The following TSPAN15 variants were observed in gnomAD, a reference collection of about 807,000 sequenced individuals.
TSPAN15 encodes tetraspanin-15.
Under a neutral mutation model 34.5 loss-of-function variants are expected in TSPAN15, and 20 were observed. That is an observed-to-expected ratio of 0.58 (90% CI 0.41 to 0.84). The LOEUF is 0.84. Ranked by LOEUF, TSPAN15 falls within the 40% of genes least tolerant of loss-of-function variation. TSPAN15 has a pLI of 0.00. For synonymous variants in TSPAN15, 155 were observed against 153.9 expected (o/e 1.01, Z -0.05); for missense variants, 313 against 386.1 (o/e 0.81, Z 1.59).
chr10:69,465,951 T>G (rs970868022), intron 1 of TSPAN15, among the ~76,000 whole-genome samples: 4 of 152,206 alleles, frequency 2.6e-5, no homozygotes, highest in African/African-American at 4.8e-5. Context: ...GGGACTGGTA[T>G]CTCTGCTGGA....
At chr10:69,471,570 T>C (rs1488390814) in intron 1 of TSPAN15, among the ~76,000 whole-genome samples, 2 of 151,678 alleles carry the variant, frequency 1.3e-5, no homozygotes, top group African/African-American at 4.9e-5. Flanking sequence ...ACTCTCCCCT[T>C]CTCCCCACCT....
At chr10:69,530,695 A>G in the TSPAN15 span, among the ~76,000 whole-genome samples, 3 of 142,046 alleles carry the variant, frequency 2.1e-5, no homozygotes, top group Admixed American at 2.2e-4. Flanking sequence ...AATCCCAGCT[A>G]TTTGGGAGGC....
At chr10:69,499,594 C>T (rs1842160233) in intron 5 of TSPAN15, among the ~76,000 whole-genome samples, 1 of 152,236 alleles carries the variant, frequency 6.6e-6, no homozygotes, top group Non-Finnish European at 1.5e-5. Context: ...ATGCCAGACA[C>T]ATTTCCAGGT....
chr10:69,509,848 A>G (rs1167442401), downstream of TSPAN15, among the ~76,000 whole-genome samples: 3 of 152,226 alleles, frequency 2.0e-5, no homozygotes, highest in East Asian at 1.9e-4. Flanking sequence ...TAAATAGGGA[A>G]TCCTTTCCCC....
rs533332166 is a variant in TSPAN15, at chr10:69,483,144, A to G, written c.97-547A>G. On this transcript the variant is annotated intron_variant, in intron 1 of 7. Coordinates refer to ENST00000373290, the MANE Select transcript of TSPAN15 (RefSeq NM_012339.5). ...GCTGGGACTACAGGTGCCCGCCACT[A>G]TGCCCGGCTGCTTTTTTGTATTTTT... Among the ~76,000 whole-genome samples the G allele has an allele frequency of 2.6e-5, 4 of 152,208 alleles. No homozygotes were observed. In the South Asian group the frequency reaches 6.2e-4, roughly 24 times the overall value.
intron 5 of TSPAN15, among the ~76,000 whole-genome samples, chr10:69,503,508 C>T (rs1227969): frequency 0.39 from 59,885 of 151,988 alleles, 12,259 homozygotes; most frequent in African/African-American, 0.5. Flanking sequence ...TATTGAGTAC[C>T]TCTGCGTGCC....
At chr10:69,464,488 C>T (rs10998796) in intron 1 of TSPAN15, among the ~76,000 whole-genome samples, 60,559 of 151,954 alleles carry the variant, frequency 0.4, 12,578 homozygotes, top group Non-Finnish European at 0.45. Context: ...CTTGGGGCTT[C>T]CCTTCTGCAA....
chr10:69,491,325 A>C (rs1270142934), intron 3 of TSPAN15, among the ~76,000 whole-genome samples: 1 of 152,228 alleles, frequency 6.6e-6, no homozygotes, highest in Non-Finnish European at 1.5e-5. Flanking sequence ...CTCCAGGCGC[A>C]AATGAAGGAG....
At chr10:69,457,405 T>A (rs1018181963) in intron 1 of TSPAN15, among the ~76,000 whole-genome samples, 1 of 152,172 alleles carries the variant, frequency 6.6e-6, no homozygotes, top group Non-Finnish European at 1.5e-5. Context: ...GCAGGGCTGA[T>A]CATGGTGCTA....
chr10:69,471,507 T>C (rs765097138), intron 1 of TSPAN15, among the ~76,000 whole-genome samples: 33 of 152,204 alleles, frequency 2.2e-4, no homozygotes, highest in Non-Finnish European at 4.6e-4. Flanking sequence ...ATTTTTTAAA[T>C]GAAAAATGCT....
chr10:69,516,392 T>C, the TSPAN15 span, among the ~76,000 whole-genome samples: 2 of 152,100 alleles, frequency 1.3e-5, no homozygotes, highest in Non-Finnish European at 2.9e-5. Flanking sequence ...CCCCCACCAA[T>C]AGGATCTGAG....
At chr10:69,504,692 C>T (rs898834994) in intron 6 of TSPAN15, among the ~76,000 whole-genome samples, 7 of 152,160 alleles carry the variant, frequency 4.6e-5, no homozygotes, top group African/African-American at 1.4e-4. Context: ...TGGGAGATGC[C>T]GCCTGTCAGG....
At chr10:69,533,271 C>T in the TSPAN15 span, among the ~76,000 whole-genome samples, 2 of 151,984 alleles carry the variant, frequency 1.3e-5, no homozygotes, top group African/African-American at 4.8e-5. Flanking sequence ...ACTCAAATGC[C>T]CATCAATCAA....
the TSPAN15 span, among the ~76,000 whole-genome samples, chr10:69,536,396 T>A: frequency 6.6e-6 from 1 of 152,182 alleles, no homozygotes; most frequent in East Asian, 1.9e-4. Context: ...GGCATTGAAA[T>A]ACAGAGGGAT....
At chr10:69,523,708 C>A in the TSPAN15 span, 1 of 182,140 alleles carries the variant, frequency 5.5e-6, no homozygotes, top group South Asian at 1.1e-4. Context: ...TTTGGAAACT[C>A]ATTGGCCATA....
At chr10:69,462,701 G>A (rs550572182) in intron 1 of TSPAN15, among the ~76,000 whole-genome samples, 72 of 152,324 alleles carry the variant, frequency 4.7e-4, no homozygotes, top group Middle Eastern at 3.4e-3. Context: ...CCACAGCTCA[G>A]GGTGGTATCT....
chr10:69,526,545 G>C, the TSPAN15 span, among the ~76,000 whole-genome samples: 2 of 148,308 alleles, frequency 1.3e-5, 1 homozygote, highest in Admixed American at 1.4e-4. Context: ...TGTAATCCCA[G>C]CACTTCTGGA....
intron 4 of TSPAN15, among the ~76,000 whole-genome samples, chr10:69,497,208 A>C (rs1257103804): frequency 1.3e-5 from 2 of 152,208 alleles, no homozygotes; most frequent in Non-Finnish European, 2.9e-5. Context: ...TCTAGGTCCC[A>C]AAACCTGGTG....
chr10:69,509,322 C>T (rs187765452), downstream of TSPAN15, among the ~76,000 whole-genome samples: 228 of 152,286 alleles, frequency 1.5e-3, 2 homozygotes, highest in Admixed American at 0.014. Flanking sequence ...CTCATCTCCT[C>T]TTTTCCAAAC....
Sources: allele counts gnomAD v4.1 joint callset (sites outside exome capture counted in the v4.1 genomes callset), GRCh38; gene constraint gnomAD v4.1.1; transcripts MANE v1.5; gene names NCBI Gene and HGNC (gene_info 2026-07-23, HGNC 2026-07-21).